PCTP: variants seen among roughly 807,000 people sequenced by gnomAD.
The protein encoded by PCTP is phosphatidylcholine transfer protein, also known as START domain-containing protein 2.
PCTP carries 27 observed loss-of-function variants against 31.0 expected under a neutral mutation model. That is an observed-to-expected ratio of 0.87 (90% CI 0.64 to 1.20). The LOEUF (loss-of-function observed/expected upper bound fraction) is 1.20, where lower values mean the gene tolerates loss of function less well. Among genes scored for constraint, PCTP ranks in the 50% most tolerant of loss-of-function variants. The pLI is 0.00. For synonymous variants in PCTP, 108 were observed against 101.2 expected, an observed-to-expected ratio of 1.07 and a Z score of -0.40; for missense variants, 287 against 268.2, an observed-to-expected ratio of 1.07 and a Z score of -0.49.
At chr17:55,832,100 AAC>A (rs1905618731) in intron 5 of PCTP, among the ~76,000 whole-genome samples, 1 of 151,964 alleles carries the variant, frequency 6.6e-6, no homozygotes, top group African/African-American at 2.4e-5. Context: ...CAACAACAAC[AAC>A]AAAAAACAAA....
chr17:55,831,192 G>C (rs1056894605), intron 5 of PCTP, among the ~76,000 whole-genome samples: 1 of 152,116 alleles, frequency 6.6e-6, no homozygotes, highest in African/African-American at 2.4e-5. Context: ...AAAGCGACTC[G>C]GTAGCTGACA....
chr17:55,844,850 G>A (rs1344265544), downstream of PCTP, among the ~76,000 whole-genome samples: 1 of 151,888 alleles, frequency 6.6e-6, no homozygotes, highest in Non-Finnish European at 1.5e-5. Flanking sequence ...AGCACTTTGG[G>A]AGCCCGAGGC....
chr17:55,762,075 C>T (rs1910367587), intron 1 of PCTP, among the ~76,000 whole-genome samples: 1 of 152,006 alleles, frequency 6.6e-6, no homozygotes, highest in East Asian at 1.9e-4. Flanking sequence ...GAGCAAAGAA[C>T]GTTAGAAAGA....
chr17:55,778,077 C>T (rs1911426966), downstream of PCTP, among the ~76,000 whole-genome samples: 2 of 151,980 alleles, frequency 1.3e-5, no homozygotes, highest in Admixed American at 1.3e-4. Context: ...TAAAAGGTTA[C>T]AGTGTTTGCT....
chr17:55,834,657 G>A (rs758211815), intron 5 of PCTP, among the ~76,000 whole-genome samples: 4 of 152,138 alleles, frequency 2.6e-5, no homozygotes, highest in Non-Finnish European at 4.4e-5. Context: ...TATGGGTAGA[G>A]TTTTCTGAAA....
At chr17:55,827,803 C>G (rs138491517), downstream of PCTP, among the ~76,000 whole-genome samples, 1 of 152,232 alleles carries the variant, frequency 6.6e-6, no homozygotes, top group East Asian at 1.9e-4. Flanking sequence ...TTAAGGGAAG[C>G]GCTGAGAAAA....
intron 3 of PCTP, among the ~76,000 whole-genome samples, chr17:55,809,928 A>G (rs1912695072): frequency 6.6e-6 from 1 of 152,254 alleles, no homozygotes; most frequent in African/African-American, 2.4e-5. Context: ...ATTGAAAACA[A>G]AACAGCAGAA....
intron 1 of PCTP, 56 bp from the exon 2 acceptor site, chr17:55,767,279 C>A: frequency 9.2e-7 from 1 of 1,089,568 alleles, no homozygotes; most frequent in Non-Finnish European, 1.4e-6. Flanking sequence ...ATGTGGAATG[C>A]AGCTTTCTCT....
In PCTP at chr17:55,751,158, G is replaced by C. The variant is rs1433483909; in HGVS notation, c.55G>C (p.Glu19Gln). Reference sequence around the variant, plus strand: ...GGAGCAGTTCTGGGAGGCCTGCGCCGAGCTCCAGCAGCCCGCTCTGGCCGG... The same window carrying C: ...GGAGCAGTTCTGGGAGGCCTGCGCCCAGCTCCAGCAGCCCGCTCTGGCCGG... The part of the protein sequence containing the change: ...SEEQFWEACA[E>Q]LQQPALAGAD... Residue 19 changes from glutamate to glutamine, a missense_variant, in exon 1 of 6, where the codon GAG (glutamate) becomes CAG (glutamine). Coordinates refer to ENST00000268896, the MANE Select transcript of PCTP (RefSeq NM_021213.4). 1 of 1,548,110 alleles carries C rather than the reference G, an allele frequency of 6.5e-7. No homozygotes were observed. The highest frequency in any genetic ancestry group is 1.4e-5 in the African/African-American group (1 of 72,992).
chr17:55,780,071 C>T (rs190448032), downstream of PCTP, among the ~76,000 whole-genome samples: 3 of 150,278 alleles, frequency 2.0e-5, no homozygotes, highest in Admixed American at 2.0e-4. Flanking sequence ...TTATATTCAT[C>T]CTTAACTGCA....
chr17:55,804,587 A>AAT (rs1912517547), intron 3 of PCTP, among the ~76,000 whole-genome samples: 1 of 152,202 alleles, frequency 6.6e-6, no homozygotes, highest in Non-Finnish European at 1.5e-5. Context: ...GCTGGAAACC[A>AAT]TCATTCTTAG....
chr17:55,776,884 A>C lies in PCTP; in HGVS notation c.*784A>C, dbSNP rs1911362889. 1 of 993,504 alleles carries C rather than the reference A, an allele frequency of 1.0e-6. No homozygotes were observed. Among genetic ancestry groups the C allele is most frequent in the Non-Finnish European group, 1.2e-6 (1 of 835,714 alleles). 61.5% of individuals were successfully genotyped at this position (993,504 alleles called of 1,614,324 possible). ...CTGTACCTCTCAAGCTTTGCATTTT[A>C]CTGGAAACTGAGGCGTCAAGATGGC... On this transcript the variant is annotated 3_prime_UTR_variant, in exon 6 of 6. Coordinates refer to ENST00000268896, the MANE Select transcript of PCTP (RefSeq NM_021213.4).
At chr17:55,787,800 T>TTCC (rs1353379279) in intron 3 of PCTP, 6 of 152,206 alleles carry the variant, frequency 3.9e-5, no homozygotes, top group African/African-American at 1.4e-4. Context: ...CCATTGTTGT[T>TTCC]TCCTCCTCAG....
rs1911383327 is a variant in PCTP, at chr17:55,777,227, A to G, written c.*1127A>G. On this transcript the variant is annotated 3_prime_UTR_variant, in exon 6 of 6. Transcript: ENST00000268896. ...CAGGGAAAAATTTTAATCACTGTGT[A>G]TAATGATACTGAACCTTGATTAATA... The G allele has an allele frequency of 6.1e-6, 6 of 985,430 alleles. No homozygotes were observed. The highest frequency in any genetic ancestry group is 1.7e-5 in the African/African-American group (1 of 57,346). 61.0% of individuals were successfully genotyped at this position (985,430 alleles called of 1,614,324 possible). A position where few individuals can be genotyped will look rare whatever the true frequency, so the allele number is the denominator to read the frequency against.
At chr17:55,800,775 G>A (rs1387943648) in intron 3 of PCTP, among the ~76,000 whole-genome samples, 1 of 151,918 alleles carries the variant, frequency 6.6e-6, no homozygotes, top group Non-Finnish European at 1.5e-5. Context: ...TCTACTTTTG[G>A]TCTTTGAAGT....
rs12951125 is a variant in PCTP, at chr17:55,793,882, C to A, written c.317+6228C>A. ...TAGCCTTAGAAGTTATATCAATCAT[C>A]AAGTTATTTTACAGCTAGAAAGTAG... On this transcript the variant is annotated intron_variant, in intron 3 of 3. Coordinates refer to the PCTP transcript ENST00000572536. Among the ~76,000 whole-genome samples, 8 of 152,098 alleles carry A rather than the reference C, an allele frequency of 5.3e-5. No homozygotes were observed. The South Asian group carries it at 1.2e-3, about 24-fold the overall frequency.
At chr17:55,831,030 A>G (rs1348690542) in intron 5 of PCTP, among the ~76,000 whole-genome samples, 2 of 152,210 alleles carry the variant, frequency 1.3e-5, no homozygotes, top group African/African-American at 4.8e-5. Flanking sequence ...TTTGCAGGGC[A>G]GGGGCAGCAG....
chr17:55,807,728 C>G (rs903306644), intron 3 of PCTP, among the ~76,000 whole-genome samples: 4 of 152,126 alleles, frequency 2.6e-5, no homozygotes, highest in African/African-American at 9.7e-5. Flanking sequence ...TGCTTTTTCA[C>G]TTTAAGTCAA....
intron 2 of PCTP, chr17:55,769,203 A>C (rs1328847047): frequency 2.0e-5 from 3 of 152,248 alleles, no homozygotes; most frequent in Admixed American, 2.0e-4. Flanking sequence ...GGAGAATTCT[A>C]CTTTTCTAGG....
Sources: allele counts gnomAD v4.1 joint callset (sites outside exome capture counted in the v4.1 genomes callset), GRCh38; gene constraint gnomAD v4.1.1; transcripts MANE v1.5; gene names NCBI Gene and HGNC (gene_info 2026-07-23, HGNC 2026-07-21).